PVT1: variants seen among roughly 807,000 people sequenced by gnomAD.
PVT1 encodes the protein Pvt1 oncogene, also known as CXCR4/PVT1 fusion.
intron 2 of PVT1, among the ~76,000 whole-genome samples, chr8:127,886,220 T>C (rs909189632): frequency 2.6e-5 from 4 of 152,232 alleles, no homozygotes; most frequent in African/African-American, 9.6e-5. Flanking sequence ...TTAGAACCAC[T>C]GTTTTTCTCT....
At chr8:128,023,892 A>G (rs1035987390) in intron 4 of PVT1, among the ~76,000 whole-genome samples, 1 of 152,232 alleles carries the variant, frequency 6.6e-6, no homozygotes, top group African/African-American at 2.4e-5. Flanking sequence ...AGCATGAGTG[A>G]ACAAAAAAAA....
rs1314707869 is a variant in PVT1, at chr8:127,874,976, G to C, written n.373-15613G>C. On this transcript the variant is annotated intron_variant and non_coding_transcript_variant, in intron 2 of 10. Coordinates refer to ENST00000651587, the Ensembl canonical transcript of PVT1. The stretch of plus-strand genomic sequence containing the variant: ...GGCTGCACTGTGCCTGCTGGAGCAG[G>C]TGCAGTTGCCCTTTCACCATGCGTG... 3.3e-5 allele frequency among the ~76,000 whole-genome samples: 5 copies of C among 152,042 alleles called. No individual in the cohort carries two copies. In the East Asian group the frequency reaches 9.7e-4, roughly 29 times the overall value.
At chr8:127,928,762 G>A (rs901473976) in intron 3 of PVT1, among the ~76,000 whole-genome samples, 1 of 152,306 alleles carries the variant, frequency 6.6e-6, no homozygotes. Flanking sequence ...CTGTCCTGCT[G>A]CGGTGGCTGC....
intron 2 of PVT1, among the ~76,000 whole-genome samples, chr8:127,860,810 G>GCTTTCTGT (rs1815218677): frequency 6.7e-6 from 1 of 148,846 alleles, no homozygotes; most frequent in South Asian, 2.2e-4. Flanking sequence ...ACAACTGTGA[G>GCTTTCTGT]CTTTCTGTCT....
intron 3 of PVT1, among the ~76,000 whole-genome samples, chr8:127,908,502 C>T (rs1004974781): frequency 4.0e-5 from 6 of 151,838 alleles, no homozygotes; most frequent in African/African-American, 1.2e-4. Context: ...CCACCACGCC[C>T]GGCTAATTTT....
intron 2 of PVT1, among the ~76,000 whole-genome samples, chr8:127,817,686 A>G (rs1814682139): frequency 1.3e-5 from 2 of 149,960 alleles, no homozygotes; most frequent in Non-Finnish European, 3.0e-5. Flanking sequence ...GTGGGAAACC[A>G]GCCTGGGCAA....
At chr8:127,809,825 G>C (rs1814571001) in intron 2 of PVT1, among the ~76,000 whole-genome samples, 1 of 152,158 alleles carries the variant, frequency 6.6e-6, no homozygotes, top group South Asian at 2.1e-4. Context: ...CATCCCACTG[G>C]GCCAGCAGCA....
At chr8:127,814,524 G>A (rs573038575) in intron 2 of PVT1, among the ~76,000 whole-genome samples, 1 of 152,314 alleles carries the variant, frequency 6.6e-6, no homozygotes, top group South Asian at 2.1e-4. Context: ...TGCTCTAAGT[G>A]CTCTGCAGGT....
intron 2 of PVT1, among the ~76,000 whole-genome samples, chr8:127,864,163 G>C (rs1304334686): frequency 1.3e-5 from 2 of 152,170 alleles, no homozygotes; most frequent in East Asian, 3.9e-4. Context: ...TTTGCAGTGG[G>C]GGTGGGGCAG....
In PVT1 at chr8:128,086,379, C is replaced by T. The variant is rs144808647; in HGVS notation, n.1115-10139C>T. On this transcript the variant is annotated intron_variant and non_coding_transcript_variant, in intron 5 of 10. Transcript: ENST00000651587. ...TTCACATGGAGCTCTGCAGTTAGTA[C>T]GGCTGCCCCAAGTGCTACTATGCTA... 2.6e-5 allele frequency among the ~76,000 whole-genome samples: 4 copies of T among 152,266 alleles called. No homozygotes were observed. In the East Asian group the frequency reaches 7.7e-4, roughly 29 times the overall value.
intron 4 of PVT1, among the ~76,000 whole-genome samples, chr8:128,049,444 C>T (rs1249510591): frequency 6.6e-6 from 1 of 152,198 alleles, no homozygotes; most frequent in Non-Finnish European, 1.5e-5. Flanking sequence ...GCGTCAAGGT[C>T]TGGGGATTCT....
rs1376263588 is a variant in PVT1 at position 128,021,831 on chromosome 8, A to G, written n.912+32540A>G. ...TGTCCTTTCTCCTTCATTCTTGATT[A>G]GCGTCTGAGCTCAGATGGCATGCAT... is the stretch of plus-strand genomic sequence containing the variant. On this transcript the variant is annotated intron_variant and non_coding_transcript_variant, in intron 4 of 10. Coordinates refer to ENST00000651587, the Ensembl canonical transcript of PVT1. 2.0e-5 allele frequency among the ~76,000 whole-genome samples: 3 copies of G among 152,160 alleles called. 1 individual carries two copies.
chr8:127,877,609 T>G (rs557320749), intron 2 of PVT1, among the ~76,000 whole-genome samples: 34 of 152,302 alleles, frequency 2.2e-4, no homozygotes, highest in African/African-American at 8.2e-4. Flanking sequence ...CATTTTGACT[T>G]AGTCCTTAAA....
chr8:128,062,339 G>A (rs540613814), intron 4 of PVT1, among the ~76,000 whole-genome samples: 17 of 152,278 alleles, frequency 1.1e-4, no homozygotes, highest in African/African-American at 4.1e-4. Context: ...TGTTTCTGAA[G>A]GCCACATTAT....
intron 4 of PVT1, among the ~76,000 whole-genome samples, chr8:128,001,573 C>T (rs1817177510): frequency 6.6e-6 from 1 of 152,266 alleles, no homozygotes; most frequent in Non-Finnish European, 1.5e-5. Flanking sequence ...CCCTTGTTGA[C>T]CTTGAGCCAC....
At chr8:127,956,526 C>G (rs1816571084) in intron 3 of PVT1, among the ~76,000 whole-genome samples, 1 of 152,256 alleles carries the variant, frequency 6.6e-6, no homozygotes, top group Non-Finnish European at 1.5e-5. Flanking sequence ...CGCTCTGTTG[C>G]CAGGCTGGAG....
At chr8:127,953,392 C>T (rs1409450621) in intron 3 of PVT1, among the ~76,000 whole-genome samples, 2 of 152,174 alleles carry the variant, frequency 1.3e-5, no homozygotes, top group Non-Finnish European at 2.9e-5. Flanking sequence ...ACTCAAACCC[C>T]ACTCTTGTCT....
intron 4 of PVT1, chr8:128,008,994 C>A: frequency 2.0e-6 from 1 of 504,102 alleles, no homozygotes; most frequent in South Asian, 1.4e-5. Context: ...GCCACCTATT[C>A]CCAGGCAGTA....
chr8:127,915,076 C>T (rs557152101), intron 3 of PVT1, among the ~76,000 whole-genome samples: 14 of 152,074 alleles, frequency 9.2e-5, no homozygotes, highest in African/African-American at 2.9e-4. Flanking sequence ...CCACCCACCT[C>T]GGCCTCCCAA....
Sources: allele counts gnomAD v4.1 joint callset (sites outside exome capture counted in the v4.1 genomes callset), GRCh38; gene constraint gnomAD v4.1.1; transcripts MANE v1.5; gene names NCBI Gene and HGNC (gene_info 2026-07-23, HGNC 2026-07-21).